NEMP2: variants seen among roughly 807,000 people sequenced by gnomAD.
NEMP2 encodes the protein UPF0571 transmembrane protein.
A neutral mutation model predicts 54.2 loss-of-function variants in NEMP2; 53 were observed. That is an observed-to-expected ratio of 0.98 (90% CI 0.78 to 1.23). NEMP2 has a LOEUF of 1.23. NEMP2 is among the 50% of genes most tolerant of loss of function. The pLI is 0.00. For missense variants in NEMP2, 455 were observed against 511.3 expected (o/e 0.89, Z 1.06); for synonymous variants, 197 against 190.3 (o/e 1.04, Z -0.29).
chr2:190,602,638 C>T, the NEMP2 span, among the ~76,000 whole-genome samples: 5 of 152,190 alleles, frequency 3.3e-5, no homozygotes, highest in African/African-American at 1.2e-4. Context: ...CATCTTTCCA[C>T]TCTACTTCTT....
the NEMP2 span, among the ~76,000 whole-genome samples, chr2:190,473,746 C>A: frequency 6.6e-6 from 1 of 152,204 alleles, no homozygotes; most frequent in East Asian, 1.9e-4. Flanking sequence ...GAACTCTCCA[C>A]CCCAAATCAA....
At chr2:190,644,572 C>T in the NEMP2 span, among the ~76,000 whole-genome samples, 1 of 152,160 alleles carries the variant, frequency 6.6e-6, no homozygotes, top group African/African-American at 2.4e-5. The surrounding 1 kb of genome is among the most constrained non-coding windows in gnomAD (Gnocchi z 4.4). Context: ...TAAAAAAGAA[C>T]AGGTTCATGT....
chr2:190,613,578 T>C, the NEMP2 span, among the ~76,000 whole-genome samples: 5 of 152,084 alleles, frequency 3.3e-5, no homozygotes, highest in African/African-American at 1.2e-4. Context: ...ATTTCTAATA[T>C]TACTTCACCA....
At chr2:190,573,551 C>T in the NEMP2 span, among the ~76,000 whole-genome samples, 1 of 152,160 alleles carries the variant, frequency 6.6e-6, no homozygotes, top group African/African-American at 2.4e-5. Flanking sequence ...ATAGTACCAG[C>T]TCTTTAAACC....
chr2:190,525,992 T>C lies in NEMP2; in HGVS notation c.98-614A>G, dbSNP rs1033349421. On this transcript the variant is annotated intron_variant, in intron 1 of 8. Transcript: ENST00000409150. This position sits in a 1 kb window ranked among gnomAD's most constrained non-coding sequence, Gnocchi z 5.0. Reference sequence around the variant, plus strand: ...AAGTATCAGTCTCAGCAAGAAACTATTGACACTCAAAAGGATTTAACTGAA... The same window carrying C: ...AAGTATCAGTCTCAGCAAGAAACTACTGACACTCAAAAGGATTTAACTGAA... 3.3e-5 allele frequency among the ~76,000 whole-genome samples: 5 copies of C among 152,128 alleles called. No homozygotes were observed. Among genetic ancestry groups the C allele is most frequent in the South Asian group, 4.1e-4 (2 of 4,822 alleles).
At chr2:190,422,542 A>G in the NEMP2 span, among the ~76,000 whole-genome samples, 2 of 152,220 alleles carry the variant, frequency 1.3e-5, no homozygotes, top group Non-Finnish European at 2.9e-5. Context: ...GGCTACATAT[A>G]GATTGTGATG....
At chr2:190,444,812 G>C in the NEMP2 span, 1 of 629,812 alleles carries the variant, frequency 1.6e-6, no homozygotes, top group South Asian at 7.2e-5. Flanking sequence ...ATTTCATTCA[G>C]AAACAAGTGT....
the NEMP2 span, among the ~76,000 whole-genome samples, chr2:190,578,117 GTGTAACT>G: frequency 6.6e-6 from 1 of 152,152 alleles, no homozygotes; most frequent in East Asian, 1.9e-4. The surrounding 1 kb of genome is among the most constrained non-coding windows in gnomAD (Gnocchi z 4.4). Context: ...TCCTGGGCTT[GTGTAACT>G]TGTCATAATG....
downstream of NEMP2, chr2:190,500,381 C>T (rs1689970708): frequency 4.1e-6 from 3 of 724,222 alleles, no homozygotes; most frequent in South Asian, 1.9e-5. This position sits in a 1 kb window ranked among gnomAD's most constrained non-coding sequence, Gnocchi z 5.3. Flanking sequence ...ACAGGAGCTA[C>T]AGTACATATT....
chr2:190,599,850 G>A, the NEMP2 span, among the ~76,000 whole-genome samples: 1 of 152,124 alleles, frequency 6.6e-6, no homozygotes, highest in Non-Finnish European at 1.5e-5. Flanking sequence ...CACCGACCTT[G>A]CAGTGCCCCA....
chr2:190,625,347 A>G, the NEMP2 span: 3 of 152,234 alleles, frequency 2.0e-5, no homozygotes, highest in East Asian at 5.8e-4. Context: ...ATTTATATAA[A>G]CTGTCCAGAA....
At chr2:190,434,022 T>C in the NEMP2 span, among the ~76,000 whole-genome samples, 2 of 151,770 alleles carry the variant, frequency 1.3e-5, no homozygotes, top group South Asian at 4.2e-4. This position sits in a 1 kb window ranked among gnomAD's most constrained non-coding sequence, Gnocchi z 4.3. Flanking sequence ...AAAAACCCCA[T>C]CTCTACAAAA....
At chr2:190,473,684 A>T in the NEMP2 span, among the ~76,000 whole-genome samples, 4 of 152,230 alleles carry the variant, frequency 2.6e-5, no homozygotes, top group African/African-American at 9.6e-5. Flanking sequence ...GTCAGTAAGG[A>T]TATCCAGGAA....
Position 190,513,918 on chromosome 2 carries a change from A to G in NEMP2, c.953+535T>C, listed in dbSNP as rs995596627. On this transcript the variant is annotated intron_variant, in intron 7 of 8. Transcript: ENST00000409150. This position sits in a 1 kb window ranked among gnomAD's most constrained non-coding sequence, Gnocchi z 5.3. Reference sequence around the variant, plus strand: ...GACATGAAAACAGCTGCTCAGACTCAATGACTGAGGAGAAACATAACAAAG... The same window carrying G: ...GACATGAAAACAGCTGCTCAGACTCGATGACTGAGGAGAAACATAACAAAG... 1.3e-5 allele frequency among the ~76,000 whole-genome samples: 2 copies of G among 152,194 alleles called. No individual in the cohort carries two copies. Among genetic ancestry groups the G allele is most frequent in the Non-Finnish European group, 2.9e-5 (2 of 68,028 alleles).
At chr2:190,470,903 G>GTATA in the NEMP2 span, among the ~76,000 whole-genome samples, 1,661 of 150,974 alleles carry the variant, frequency 0.011, 100 homozygotes, top group East Asian at 0.18. Context: ...TAAAATTCAA[G>GTATA]TATATATATA....
chr2:190,518,979 T>TAA lies in NEMP2; in HGVS notation c.416_417dup (p.Asn140LeufsTer4). 1 of 1,551,314 alleles carries TAA rather than the reference T, an allele frequency of 6.4e-7. No homozygotes were observed. The highest frequency in any genetic ancestry group is 1.2e-5 in the South Asian group (1 of 84,042). On this transcript the variant is annotated frameshift_variant, in exon 3 of 9. Transcript: ENST00000409150. LOFTEE classifies it high-confidence loss of function. ...TTTCGATTCACATGTATCATATAGT[T>TAA]AAATATCTTCTTGACAGGCTCCACA...
At chr2:190,511,038 C>G (rs1021646684) in intron 7 of NEMP2, among the ~76,000 whole-genome samples, 6 of 152,140 alleles carry the variant, frequency 3.9e-5, no homozygotes, top group African/African-American at 1.2e-4. Flanking sequence ...TGTATTTCCC[C>G]ATTTCCTGGA....
the NEMP2 span, among the ~76,000 whole-genome samples, chr2:190,604,357 A>G: frequency 0.23 from 35,579 of 152,100 alleles, 5,245 homozygotes; most frequent in Non-Finnish European, 0.33. The surrounding 1 kb of genome is among the most constrained non-coding windows in gnomAD (Gnocchi z 4.5). Context: ...AGGGATAGTA[A>G]CAGCACCTTG....
At position 190,509,290 on chromosome 2, in the gene NEMP2, C is replaced by T; in HGVS notation, c.1153G>A (p.Gly385Arg). ...PSKFADFVLG[G>R]SHLSPEEISL... ...ATTTCTTCAGGTGACAAGTGGCTTCCTCCAAGAACAAAGTCTGCAAATCTA... is the reference window on the plus strand; with the variant it reads ...ATTTCTTCAGGTGACAAGTGGCTTCTTCCAAGAACAAAGTCTGCAAATCTA... Residue 385 changes from glycine (G) to arginine (R), a missense_variant, in exon 9 of 9, where the codon GGA (glycine) becomes AGA (arginine). Transcript: ENST00000409150. The surrounding 1 kb of genome is among the most constrained non-coding windows in gnomAD (Gnocchi z 6.1). The T allele has an allele frequency of 6.4e-7, 1 of 1,551,694 alleles. No individual in the cohort carries two copies.
Sources: gnomAD v4.1 joint callset for allele counts (sites outside exome capture counted in the v4.1 genomes callset) on GRCh38, gnomAD v4.1.1 for gene constraint, Gnocchi (gnomAD v3.1) non-coding constraint, MANE v1.5 for transcripts, NCBI Gene and HGNC (gene_info 2026-07-23, HGNC 2026-07-21) for gene names.